GRAMD2B: variants seen among roughly 807,000 people sequenced by gnomAD.
GRAMD2B encodes the protein GRAM domain containing 2B.
In GRAMD2B, 41 loss-of-function variants were observed where a neutral mutation model predicts 59.2. The observed-to-expected ratio is 0.69, with a 90% CI of 0.54 to 0.90. GRAMD2B has a LOEUF of 0.90. GRAMD2B is among the 40% of genes least tolerant of loss of function. The pLI, the probability that GRAMD2B is intolerant of heterozygous loss-of-function variation, is 0.00. For synonymous variants in GRAMD2B, 161 were observed against 182.7 expected (o/e 0.88, Z 0.96); for missense variants, 424 against 500.5 (o/e 0.85, Z 1.46).
At chr5:126,440,292 A>G (rs1412965612) in intron 1 of GRAMD2B, among the ~76,000 whole-genome samples, 1 of 152,218 alleles carries the variant, frequency 6.6e-6, no homozygotes, top group Non-Finnish European at 1.5e-5. Flanking sequence ...TCTTAAATGT[A>G]TAAGGTCACT....
At chr5:126,465,628 G>C (rs993588746) in intron 2 of GRAMD2B, 83 bp downstream of exon 2, 2 of 1,228,370 alleles carry the variant, frequency 1.6e-6, no homozygotes, top group African/African-American at 1.5e-5. Context: ...TTTTTGTTAA[G>C]AGTGAGGATG....
chr5:126,483,631 C>A, intron 9 of GRAMD2B, 57 bp downstream of exon 9: 1 of 820,230 alleles, frequency 1.2e-6, no homozygotes, highest in Non-Finnish European at 1.9e-6. Flanking sequence ...ACATCCTCAC[C>A]CCACCCCCTT....
intron 1 of GRAMD2B, among the ~76,000 whole-genome samples, chr5:126,459,693 A>G (rs1338124839): frequency 6.6e-6 from 1 of 152,260 alleles, no homozygotes; most frequent in East Asian, 1.9e-4. Context: ...TACATTTGCA[A>G]AGATCAAAAA....
chr5:126,480,777 C>G (rs1343229623), intron 8 of GRAMD2B, 70 bp downstream of exon 8: 4 of 1,373,002 alleles, frequency 2.9e-6, no homozygotes, highest in Non-Finnish European at 3.1e-6. Flanking sequence ...CTTGTGCTTA[C>G]ACCATGACCA....
At chr5:126,447,400 C>T (rs540377194) in intron 1 of GRAMD2B, among the ~76,000 whole-genome samples, 8 of 152,302 alleles carry the variant, frequency 5.3e-5, no homozygotes, top group South Asian at 2.1e-4. Context: ...CAGTGGCTCA[C>T]GCCTGTAATC....
intron 1 of GRAMD2B, among the ~76,000 whole-genome samples, chr5:126,398,910 G>A (rs1757590257): frequency 1.3e-5 from 2 of 152,230 alleles, no homozygotes; most frequent in South Asian, 4.1e-4. Flanking sequence ...GAATTTTACA[G>A]TTTTCTTGCT....
chr5:126,414,851 A>C (rs1280164648), intron 1 of GRAMD2B, among the ~76,000 whole-genome samples: 2 of 152,164 alleles, frequency 1.3e-5, no homozygotes, highest in Admixed American at 6.5e-5. Context: ...TCTCAGGTGA[A>C]TAGACTTCAA....
intron 1 of GRAMD2B, among the ~76,000 whole-genome samples, chr5:126,410,844 T>A (rs2149756805): frequency 6.6e-6 from 1 of 152,228 alleles, no homozygotes; most frequent in South Asian, 2.1e-4. Flanking sequence ...TGGTTTTGAT[T>A]TGCATTTCTT....
upstream of GRAMD2B, among the ~76,000 whole-genome samples, chr5:126,366,569 A>C (rs1754445475): frequency 6.6e-6 from 1 of 152,164 alleles, no homozygotes. Context: ...CCTCCAAACA[A>C]TTTTTTGAGA....
At position 126,493,022 on chromosome 5, in the gene GRAMD2B, C is replaced by G. The variant is rs1321419150; in HGVS notation, c.*66C>G. On this transcript the variant is annotated 3_prime_UTR_variant, in exon 14 of 14. Transcript: ENST00000285689. ...CCTTTGAAGAAGGTGCTTCCTGAGGCGTTTTGTTTGAGTGCACCCTGCTGG... is the reference window on the plus strand; with the variant it reads ...CCTTTGAAGAAGGTGCTTCCTGAGGGGTTTTGTTTGAGTGCACCCTGCTGG... The G allele has an allele frequency of 4.4e-6, 6 of 1,362,044 alleles. No individual in the cohort carries two copies. Among genetic ancestry groups the G allele is most frequent in the Non-Finnish European group, 6.3e-6 (6 of 955,394 alleles). 84.4% of individuals were successfully genotyped at this position (1,362,044 alleles called of 1,614,324 possible). A position where few individuals can be genotyped will look rare whatever the true frequency, so the allele number is the denominator to read the frequency against.
chr5:126,487,826 C>CTA (rs1174191715), intron 12 of GRAMD2B, among the ~76,000 whole-genome samples: 2 of 152,166 alleles, frequency 1.3e-5, no homozygotes, highest in African/African-American at 4.8e-5. Flanking sequence ...AGCTGCAGGT[C>CTA]TATATAACTA....
In GRAMD2B at chr5:126,488,841, T is replaced by C. The variant is rs747316915; in HGVS notation, c.1206T>C (p.Asn402=). 14 of 1,613,784 alleles carry C rather than the reference T, an allele frequency of 8.7e-6. No homozygotes were observed. Among genetic ancestry groups the C allele is most frequent in the Admixed American group, 6.7e-5 (4 of 59,990 alleles). ...GCCTGAGGTCACAAGTACAATTCAA[T>C]GTGGAGGTTCTCTGTCAAGAGCTTA... The part of the protein sequence containing the change: ...PSGLRSQVQF[N]VEVLCQELTA... The change falls in exon 13 of 14, where the codon AAT becomes AAC. Residue 402 remains asparagine, a synonymous_variant. Coordinates refer to ENST00000285689, the MANE Select transcript of GRAMD2B (RefSeq NM_023927.4).
At chr5:126,363,110 C>T (rs149680088) in intron 1 of GRAMD2B, among the ~76,000 whole-genome samples, 417 of 152,092 alleles carry the variant, frequency 2.7e-3, no homozygotes, top group African/African-American at 9.3e-3. Flanking sequence ...ATAAAGCATA[C>T]GAGTCAATAA....
chr5:126,480,809 C>A, intron 8 of GRAMD2B, 102 bp downstream of exon 8: 2 of 969,974 alleles, frequency 2.1e-6, no homozygotes, highest in Non-Finnish European at 1.6e-6. Context: ...GAGCTTAGGA[C>A]CAAAATATTT....
intron 1 of GRAMD2B, among the ~76,000 whole-genome samples, chr5:126,411,201 T>C (rs1758754375): frequency 6.6e-6 from 1 of 152,048 alleles, no homozygotes; most frequent in Non-Finnish European, 1.5e-5. Flanking sequence ...AAATGGTGTT[T>C]CCTAGGTTTT....
At chr5:126,464,659 C>T (rs1454249089) in intron 1 of GRAMD2B, among the ~76,000 whole-genome samples, 1 of 152,232 alleles carries the variant, frequency 6.6e-6, no homozygotes, top group African/African-American at 2.4e-5. Flanking sequence ...TGTAAGTCAA[C>T]ACTATCCTAG....
intron 1 of GRAMD2B, among the ~76,000 whole-genome samples, chr5:126,375,703 AG>A (rs1426891428): frequency 2.6e-5 from 4 of 152,176 alleles, no homozygotes; most frequent in African/African-American, 9.7e-5. Context: ...TTATTACACA[AG>A]CAAGGAACAC....
At chr5:126,478,140 G>GAAA (rs11376080) in intron 6 of GRAMD2B, among the ~76,000 whole-genome samples, 1,810 of 126,788 alleles carry the variant, frequency 0.014, 34 homozygotes, top group African/African-American at 0.044. Flanking sequence ...GTCTTAAAGG[G>GAAA]AAAAAAAAAA....
intron 1 of GRAMD2B, among the ~76,000 whole-genome samples, chr5:126,410,599 T>G (rs62391847): frequency 6.6e-6 from 1 of 152,084 alleles, no homozygotes; most frequent in Admixed American, 6.6e-5. Context: ...GCTGAAACAA[T>G]GGGGTTTTCT....
Sources: allele counts gnomAD v4.1 joint callset (sites outside exome capture counted in the v4.1 genomes callset), GRCh38; gene constraint gnomAD v4.1.1; transcripts MANE v1.5; gene names NCBI Gene and HGNC (gene_info 2026-07-23, HGNC 2026-07-21).